Variants in NDUFAF7 observed in about 807,000 individuals in gnomAD.
NDUFAF7 encodes protein arginine methyltransferase NDUFAF7, mitochondrial.
NDUFAF7 carries 48 observed loss-of-function variants against 47.2 expected under a neutral mutation model. The observed-to-expected ratio is 1.02, with a 90% CI of 0.81 to 1.29. The LOEUF (loss-of-function observed/expected upper bound fraction) is 1.29. Ranked by LOEUF, NDUFAF7 falls within the 50% of genes most tolerant of loss-of-function variation. The pLI, the probability that NDUFAF7 is intolerant of heterozygous loss-of-function variation, is 0.00. For synonymous variants in NDUFAF7, 217 were observed against 190.0 expected (o/e 1.14, Z -1.17); for missense variants, 635 against 537.6 (o/e 1.18, Z -1.79).
intron 4 of NDUFAF7, among the ~76,000 whole-genome samples, chr2:37,239,051 G>A (rs1666087763): frequency 6.6e-6 from 1 of 151,638 alleles, no homozygotes; most frequent in Admixed American, 6.6e-5. Context: ...ATGTGGATTT[G>A]TGGATCAATG....
the NDUFAF7 span, among the ~76,000 whole-genome samples, chr2:37,260,056 T>C: frequency 3.3e-5 from 5 of 151,894 alleles, no homozygotes; most frequent in Non-Finnish European, 7.4e-5. Context: ...TCCTAGATAC[T>C]TGGGAGGCTG....
intron 2 of NDUFAF7, 33 bp downstream of exon 2, chr2:37,232,299 C>G (rs756933574): frequency 6.2e-7 from 1 of 1,611,786 alleles, no homozygotes; most frequent in Non-Finnish European, 8.5e-7. Flanking sequence ...ACTAGGCCCT[C>G]TCTAGCCGAT....
intron 5 of NDUFAF7, 52 bp downstream of exon 5, chr2:37,241,843 G>C: frequency 6.7e-7 from 1 of 1,500,942 alleles, no homozygotes; most frequent in Non-Finnish European, 9.2e-7. Context: ...AACCCTCACA[G>C]TATTGATGGG....
chr2:37,253,271 G>A, downstream of NDUFAF7: 2 of 1,613,064 alleles, frequency 1.2e-6, no homozygotes, highest in Non-Finnish European at 8.5e-7. Flanking sequence ...TTCCCAGCGA[G>A]CATCATCACT....
At chr2:37,235,716 G>A (rs1483827021) in intron 2 of NDUFAF7, among the ~76,000 whole-genome samples, 2 of 151,884 alleles carry the variant, frequency 1.3e-5, no homozygotes, top group African/African-American at 2.4e-5. Context: ...GTGCAGTGGC[G>A]CGATCTCGGC....
rs750822389 is a variant in NDUFAF7 at position 37,246,214 on chromosome 2, C to T, written c.936+19C>T. 3.1e-6 allele frequency: 5 copies of T among 1,612,730 alleles called. No homozygotes were observed. The highest frequency in any genetic ancestry group is 1.1e-5 in the South Asian group (1 of 91,056). On this transcript the variant is annotated intron_variant, in intron 8 of 9. Transcript: ENST00000002125. ...CTTCAGAGTATGTATAATTCAGTAA[C>T]ATGATTTATCAGAATTTCAGTGTTA...
rs903957619 is a variant in NDUFAF7, at chr2:37,248,480, A to G, written c.*130A>G. Reference sequence around the variant, plus strand: ...TCACAGCAAGAACAGTCCATGTTGTATATAATACAACCAACATTATAGAAC... The same window carrying G: ...TCACAGCAAGAACAGTCCATGTTGTGTATAATACAACCAACATTATAGAAC... On this transcript the variant is annotated 3_prime_UTR_variant, in exon 10 of 10. Transcript: ENST00000002125. 6.5e-5 allele frequency: 59 copies of G among 903,128 alleles called. No homozygotes were observed. The highest frequency in any genetic ancestry group is 9.4e-5 in the Non-Finnish European group (53 of 562,364). 55.9% of individuals were successfully genotyped at this position (903,128 alleles called of 1,614,324 possible).
the NDUFAF7 span, chr2:37,259,547 C>T: frequency 2.0e-6 from 3 of 1,514,220 alleles, no homozygotes; most frequent in Non-Finnish European, 2.7e-6. Flanking sequence ...GAAAATGTTG[C>T]CAGAATCATT....
chr2:37,258,197 A>G (rs1167654593), downstream of NDUFAF7, among the ~76,000 whole-genome samples: 2 of 152,246 alleles, frequency 1.3e-5, no homozygotes. Flanking sequence ...AACAGTGCCT[A>G]GAAAACGAAG....
chr2:37,266,496 T>TA, the NDUFAF7 span, among the ~76,000 whole-genome samples: 1 of 151,834 alleles, frequency 6.6e-6, no homozygotes, highest in Non-Finnish European at 1.5e-5. Flanking sequence ...CGGCTTTTTT[T>TA]TTTTTTTGAG....
chr2:37,237,705 C>G, intron 3 of NDUFAF7, 52 bp from the exon 4 acceptor site: 1 of 1,349,642 alleles, frequency 7.4e-7, no homozygotes. Context: ...TTGTGGTATA[C>G]TTTTATACTT....
At chr2:37,232,297 C>T in intron 2 of NDUFAF7, 31 bp downstream of exon 2, 2 of 1,611,822 alleles carry the variant, frequency 1.2e-6, no homozygotes, top group Non-Finnish European at 8.5e-7. Context: ...GGACTAGGCC[C>T]TCTCTAGCCG....
rs752983941 is a variant in NDUFAF7 at position 37,241,688 on chromosome 2, G to T, written c.519G>T (p.Lys173Asn). The T allele has an allele frequency of 6.2e-7, 1 of 1,613,964 alleles. No individual in the cohort carries two copies. Among genetic ancestry groups the T allele is most frequent in the Non-Finnish European group, 8.5e-7 (1 of 1,179,978 alleles). Residue 173 changes from lysine (K) to asparagine (N), a missense_variant, in exon 5 of 10, where the codon AAG (lysine) becomes AAT (asparagine). Lys to Asn is a moderately conservative substitution (Grantham distance 94). Coordinates refer to ENST00000002125, the MANE Select transcript of NDUFAF7 (RefSeq NM_144736.5). ...EIQALTLTKE[K>N]VPLERNAGSP... ...AAGCATTGACACTGACTAAAGAGAA[G>T]GTCCCGTTAGAGCGAAATGCTGGAT...
chr2:37,231,792 C>G (rs534783968), intron 1 of NDUFAF7, 32 bp downstream of exon 1: 1 of 1,613,696 alleles, frequency 6.2e-7, no homozygotes, highest in Non-Finnish European at 8.5e-7. Context: ...GCCCGGTTGC[C>G]GTGGAAGCCG....
the NDUFAF7 span, among the ~76,000 whole-genome samples, chr2:37,266,872 A>G: frequency 6.6e-6 from 1 of 152,346 alleles, no homozygotes; most frequent in South Asian, 2.1e-4. Flanking sequence ...AATTATTTAT[A>G]TGATATTCAG....
chr2:37,257,355 T>C (rs956145545), downstream of NDUFAF7, among the ~76,000 whole-genome samples: 5 of 152,130 alleles, frequency 3.3e-5, no homozygotes, highest in Non-Finnish European at 5.9e-5. Flanking sequence ...TACTCAATGT[T>C]TGCTGAAGGA....
the NDUFAF7 span, chr2:37,269,195 G>T: frequency 5.2e-6 from 1 of 191,772 alleles, no homozygotes; most frequent in Non-Finnish European, 1.1e-5. Flanking sequence ...CGCAAAGTTG[G>T]ATTTCAGGTT....
Position 37,243,968 on chromosome 2 carries a change from A to T in NDUFAF7, c.787A>T (p.Ile263Leu), listed in dbSNP as rs1349424864. ...TTCTGCCACCCCAGCAGAAGCCTTC[A>T]TACAAGTAAGAATATGCTTTTTTAA... ...APSATPAEAF[I>L]QHDETRDHVE... Residue 263 changes from isoleucine (I) to leucine (L), a missense_variant, in exon 7 of 10, where the codon ATA becomes TTA. By Grantham distance (5) the Ile-to-Leu change is conservative (BLOSUM62 2). Transcript: ENST00000002125. 2 of 1,607,700 alleles carry T rather than the reference A, an allele frequency of 1.2e-6. No individual in the cohort carries two copies. Among genetic ancestry groups the T allele is most frequent in the Admixed American group, 1.7e-5 (1 of 59,938 alleles).
At chr2:37,254,252 C>G (rs1349143176), downstream of NDUFAF7, 4 of 1,613,494 alleles carry the variant, frequency 2.5e-6, no homozygotes, top group Non-Finnish European at 8.5e-7. Context: ...AACGTTTTCT[C>G]ATCTTCACTT....
Sources: gnomAD v4.1 joint callset for allele counts (sites outside exome capture counted in the v4.1 genomes callset) on GRCh38, gnomAD v4.1.1 for gene constraint, MANE v1.5 for transcripts, NCBI Gene and HGNC (gene_info 2026-07-23, HGNC 2026-07-21) for gene names.